Variants in SYNRG observed in about 807,000 individuals in gnomAD.
The protein encoded by SYNRG is synergin gamma, also known as AP1 gamma subunit binding protein 1.
Under a neutral mutation model 130.9 loss-of-function variants are expected in SYNRG, and 37 were observed. The observed-to-expected ratio is 0.28, with a 90% CI of 0.22 to 0.37. The LOEUF (loss-of-function observed/expected upper bound fraction) is 0.37. Among genes scored for constraint, SYNRG ranks in the 10% least tolerant of loss-of-function variants. SYNRG has a pLI of 1.00. For missense variants in SYNRG, 1,338 were observed against 1,588.9 expected, an observed-to-expected ratio of 0.84 and a Z score of 2.68; for synonymous variants, 539 against 568.1, an observed-to-expected ratio of 0.95 and a Z score of 0.73.
At chr17:37,539,392 T>C in intron 16 of SYNRG, 147 bp from the exon 17 acceptor site, 1 of 897,470 alleles carries the variant, frequency 1.1e-6, no homozygotes, top group Non-Finnish European at 1.7e-6. Context: ...TGTTTTTGTT[T>C]TTGTTTTGAG....
intron 8 of SYNRG, among the ~76,000 whole-genome samples, chr17:37,576,120 TAAAAC>T (rs1394200010): frequency 6.6e-6 from 1 of 152,118 alleles, no homozygotes; most frequent in Non-Finnish European, 1.5e-5. Flanking sequence ...GATAAAACAT[TAAAAC>T]AAAACTATTC....
At chr17:37,522,462 CTTTTAT>C (rs1389870434) in intron 19 of SYNRG, among the ~76,000 whole-genome samples, 2 of 151,538 alleles carry the variant, frequency 1.3e-5, no homozygotes, top group East Asian at 2.0e-4. Flanking sequence ...CCGCAGCACA[CTTTTAT>C]TTTTATTTAT....
intron 19 of SYNRG, among the ~76,000 whole-genome samples, chr17:37,530,865 G>A (rs548802735): frequency 6.6e-6 from 1 of 152,298 alleles, no homozygotes; most frequent in Non-Finnish European, 1.5e-5. Flanking sequence ...AAAAATGTCT[G>A]GTAGCTTGGG....
intron 9 of SYNRG, 100 bp from the exon 10 acceptor site, chr17:37,570,985 G>A: frequency 6.4e-6 from 9 of 1,414,904 alleles, no homozygotes; most frequent in Non-Finnish European, 8.5e-6. Context: ...GCCTTTGCAT[G>A]TTTCCACTCC....
At chr17:37,535,789 C>T (rs2057131336) in intron 19 of SYNRG, among the ~76,000 whole-genome samples, 190 bp downstream of exon 19, 1 of 152,158 alleles carries the variant, frequency 6.6e-6, no homozygotes, top group South Asian at 2.1e-4. Flanking sequence ...TTCACTGGGC[C>T]TTAGAGAGAT....
chr17:37,543,768 G>A (rs1254120398), intron 14 of SYNRG, among the ~76,000 whole-genome samples: 1 of 152,230 alleles, frequency 6.6e-6, no homozygotes, highest in South Asian at 2.1e-4. Flanking sequence ...CATTTTAGTG[G>A]TGTTACTAGG....
intron 14 of SYNRG, among the ~76,000 whole-genome samples, chr17:37,545,311 G>A (rs1211305072): frequency 4.0e-5 from 6 of 151,810 alleles, no homozygotes; most frequent in Admixed American, 3.3e-4. Flanking sequence ...CAGGAGAATC[G>A]CTTGAATAAG....
At chr17:37,603,023 A>G (rs2063427291) in intron 1 of SYNRG, among the ~76,000 whole-genome samples, 1 of 151,972 alleles carries the variant, frequency 6.6e-6, no homozygotes, top group African/African-American at 2.4e-5. Context: ...ACAGAAGGAG[A>G]CTCTGTCTCA....
intron 19 of SYNRG, among the ~76,000 whole-genome samples, chr17:37,525,484 C>G (rs887222653): frequency 4.6e-5 from 7 of 152,182 alleles, no homozygotes; most frequent in African/African-American, 1.7e-4. Flanking sequence ...CTTCCCTGCC[C>G]CTTTTTCAAT....
intron 1 of SYNRG, among the ~76,000 whole-genome samples, chr17:37,604,189 G>A (rs1425796502): frequency 3.3e-5 from 5 of 151,198 alleles, no homozygotes; most frequent in South Asian, 2.1e-4. Flanking sequence ...ACATTGAGGC[G>A]AGATCACGCC....
rs1192193833 is a variant in SYNRG at position 37,542,220 on chromosome 17, T to C, written c.2954A>G (p.Tyr985Cys). The change falls in exon 15 of 22, where the codon TAT becomes TGT. Residue 985 changes from tyrosine to cysteine, a missense_variant. Transcript: ENST00000612223. Reference sequence around the variant, plus strand: ...CAGGTCCTGTTTTGTGAAATCTTTATAGTCTCTGTTTTCATATTCCTTTTG... The same window carrying C: ...CAGGTCCTGTTTTGTGAAATCTTTACAGTCTCTGTTTTCATATTCCTTTTG... ...SEQKEYENRD[Y>C]KDFTKQDLPT... The C allele has an allele frequency of 6.2e-7, 1 of 1,614,134 alleles. No homozygotes were observed. The highest frequency in any genetic ancestry group is 1.3e-5 in the African/African-American group (1 of 74,950).
intron 6 of SYNRG, among the ~76,000 whole-genome samples, chr17:37,578,382 T>C (rs1198984647): frequency 6.6e-6 from 1 of 151,998 alleles, no homozygotes; most frequent in Non-Finnish European, 1.5e-5. Context: ...CACATTTGTA[T>C]AGGACTTGAG....
intron 14 of SYNRG, among the ~76,000 whole-genome samples, chr17:37,548,866 G>A (rs2058496029): frequency 6.7e-6 from 1 of 150,012 alleles, no homozygotes; most frequent in Non-Finnish European, 1.5e-5. Context: ...CGGGCGTGGT[G>A]GCTCATGCCT....
rs116102685 is a variant in SYNRG at position 37,574,178 on chromosome 17, C to T, written c.901+2163G>A. Among the ~76,000 whole-genome samples, 423 of 152,090 alleles carry T rather than the reference C, an allele frequency of 2.8e-3. 2 individuals carry two copies. The highest frequency in any genetic ancestry group is 9.8e-3 in the African/African-American group (405 of 41,526). On this transcript the variant is annotated intron_variant, in intron 8 of 21. Transcript: ENST00000612223. ...CATTGGGGAGGGTCTCTTCGATAAA[C>T]GGTGCTGGAAAAACTGGATCTCCAT...
At chr17:37,565,991 G>A (rs71547302) in intron 11 of SYNRG, among the ~76,000 whole-genome samples, 15 of 148,012 alleles carry the variant, frequency 1.0e-4, no homozygotes, top group African/African-American at 3.1e-4. Context: ...CCGGCCAGCC[G>A]CCCCGTCCGG....
chr17:37,592,979 G>A (rs2062340560), intron 3 of SYNRG, among the ~76,000 whole-genome samples: 1 of 152,122 alleles, frequency 6.6e-6, no homozygotes, highest in South Asian at 2.1e-4. Context: ...TCCATCATGT[G>A]CTCTAAACTT....
chr17:37,529,164 C>T (rs952225811), intron 19 of SYNRG, among the ~76,000 whole-genome samples: 1 of 152,126 alleles, frequency 6.6e-6, no homozygotes, highest in African/African-American at 2.4e-5. Context: ...GCATAAATGC[C>T]CAGCCCTTTT....
chr17:37,566,886 G>A (rs1345076331), intron 11 of SYNRG: 1 of 151,902 alleles, frequency 6.6e-6, no homozygotes, highest in Admixed American at 6.6e-5. Context: ...CATATGATGG[G>A]GCCAAGCACT....
chr17:37,608,817 C>T (rs545722298), intron 1 of SYNRG, among the ~76,000 whole-genome samples: 1 of 151,982 alleles, frequency 6.6e-6, no homozygotes, highest in South Asian at 2.1e-4. Flanking sequence ...GACAAATAGT[C>T]CACACACACA....
Sources: gnomAD v4.1 joint callset for allele counts (sites outside exome capture counted in the v4.1 genomes callset) on GRCh38, gnomAD v4.1.1 for gene constraint, MANE v1.5 for transcripts, NCBI Gene and HGNC (gene_info 2026-07-23, HGNC 2026-07-21) for gene names.